Variants in RAPGEF5 observed in about 807,000 individuals in gnomAD.
RAPGEF5 encodes Rap guanine nucleotide exchange factor 5.
A neutral mutation model predicts 125.2 loss-of-function variants in RAPGEF5; 65 were observed. The ratio of observed to expected loss-of-function variants is 0.52; its 90% CI spans 0.43 to 0.64. The LOEUF is 0.64. Ranked by LOEUF, RAPGEF5 falls within the 30% of genes least tolerant of loss-of-function variation. The pLI is 0.00. For synonymous variants in RAPGEF5, 391 were observed against 385.9 expected, an observed-to-expected ratio of 1.01 and a Z score of -0.16; for missense variants, 958 against 1,048.1, an observed-to-expected ratio of 0.91 and a Z score of 1.19.
chr7:22,147,100 A>C, intron 18 of RAPGEF5, 81 bp from the exon 19 acceptor site: 1 of 1,517,838 alleles, frequency 6.6e-7, no homozygotes, highest in South Asian at 1.3e-5. Context: ...AAGGCACTAG[A>C]AGCTCAGATT....
chr7:22,295,765 TAA>T (rs568033391), intron 5 of RAPGEF5, among the ~76,000 whole-genome samples: 22 of 144,526 alleles, frequency 1.5e-4, no homozygotes, highest in Non-Finnish European at 2.7e-4. Flanking sequence ...TGAAAAATAC[TAA>T]AAAAAAAAAA....
At chr7:22,172,254 C>A (rs1225581739) in intron 11 of RAPGEF5, among the ~76,000 whole-genome samples, 1 of 151,908 alleles carries the variant, frequency 6.6e-6, no homozygotes, top group Non-Finnish European at 1.5e-5. Flanking sequence ...TCTGGAGCAA[C>A]TGGGATTACA....
intron 11 of RAPGEF5, among the ~76,000 whole-genome samples, chr7:22,167,815 A>G (rs1784219837): frequency 6.6e-6 from 1 of 152,180 alleles, no homozygotes. Flanking sequence ...ACCAGGTTAC[A>G]TTGTTATCAT....
chr7:22,299,511 A>C (rs1007286586), intron 5 of RAPGEF5, among the ~76,000 whole-genome samples: 5 of 152,190 alleles, frequency 3.3e-5, no homozygotes, highest in Admixed American at 3.3e-4. Context: ...CAATAGTCAT[A>C]TATATTTTAA....
chr7:22,214,303 A>AG (rs1361327530), intron 9 of RAPGEF5, among the ~76,000 whole-genome samples: 22 of 152,190 alleles, frequency 1.4e-4, no homozygotes, highest in Admixed American at 2.6e-4. Flanking sequence ...GACTTAACAA[A>AG]GGAACAGAAG....
intron 7 of RAPGEF5, among the ~76,000 whole-genome samples, chr7:22,250,593 G>A (rs954485770): frequency 2.0e-4 from 30 of 152,098 alleles, no homozygotes; most frequent in African/African-American, 6.3e-4. Flanking sequence ...TGGGTCATAC[G>A]GCCAGGACAA....
intron 2 of RAPGEF5, 93 bp from the exon 3 acceptor site, chr7:22,315,569 T>TTATA (rs1233597860): frequency 2.2e-6 from 1 of 462,620 alleles, no homozygotes; most frequent in Non-Finnish European, 2.8e-6. Flanking sequence ...ATATATATAT[T>TTATA]TATATATATT....
intron 11 of RAPGEF5, among the ~76,000 whole-genome samples, chr7:22,177,214 A>G (rs961718457): frequency 6.6e-6 from 1 of 152,156 alleles, no homozygotes; most frequent in African/African-American, 2.4e-5. Flanking sequence ...AAATGACCAC[A>G]TAAGGCATCC....
At chr7:22,160,935 G>A (rs910977697) in intron 13 of RAPGEF5, among the ~76,000 whole-genome samples, 8 of 152,008 alleles carry the variant, frequency 5.3e-5, no homozygotes, top group South Asian at 2.1e-4. Context: ...GGTGGCTCAC[G>A]CCTGTAATTC....
intron 5 of RAPGEF5, among the ~76,000 whole-genome samples, chr7:22,301,071 G>A (rs891671989): frequency 1.3e-5 from 2 of 151,522 alleles, no homozygotes; most frequent in East Asian, 1.9e-4. Context: ...GTTTCACTTC[G>A]TTCCATAATT....
chr7:22,304,568 G>A (rs961590458), intron 5 of RAPGEF5, among the ~76,000 whole-genome samples: 3 of 152,292 alleles, frequency 2.0e-5, no homozygotes, highest in East Asian at 3.9e-4. Flanking sequence ...TCCGAGTGGC[G>A]GAGAAGGAGG....
rs150967269 is a variant in RAPGEF5, at chr7:22,275,379, A to C, written c.748-8367T>G. ...CCTGGTACATACGTTTGTGATCAAG[A>C]ACACAAGTAAAATGTTTACAGTTGT... On this transcript the variant is annotated intron_variant, in intron 6 of 25. Transcript: ENST00000665637. 5.9e-3 allele frequency among the ~76,000 whole-genome samples: 906 copies of C among 152,352 alleles called. 3 individuals carry two copies. The highest frequency in any genetic ancestry group is 9.5e-3 in the South Asian group (46 of 4,824).
At chr7:22,313,121 T>C (rs4722126) in intron 3 of RAPGEF5, among the ~76,000 whole-genome samples, 28,248 of 152,212 alleles carry the variant, frequency 0.19, 3,171 homozygotes, top group East Asian at 0.56. Flanking sequence ...TCAAAGCCCA[T>C]GTGACTGCTT....
At chr7:22,207,536 A>G (rs1785424523) in intron 9 of RAPGEF5, among the ~76,000 whole-genome samples, 1 of 152,198 alleles carries the variant, frequency 6.6e-6, no homozygotes, top group Non-Finnish European at 1.5e-5. Context: ...TATTATTTCT[A>G]AATTCTCTAT....
intron 6 of RAPGEF5, among the ~76,000 whole-genome samples, chr7:22,272,299 C>T (rs533067745): frequency 3.5e-5 from 5 of 142,654 alleles, no homozygotes; most frequent in East Asian, 2.0e-4. Context: ...GCTGAGACCA[C>T]GCCATTGCAC....
intron 18 of RAPGEF5, among the ~76,000 whole-genome samples, chr7:22,147,384 G>T (rs1783477919): frequency 6.6e-6 from 1 of 152,182 alleles, no homozygotes; most frequent in Non-Finnish European, 1.5e-5. Context: ...TAATGTGCCG[G>T]CAGGGTTAGC....
chr7:22,319,583 C>G (rs1783672435), intron 1 of RAPGEF5, among the ~76,000 whole-genome samples: 1 of 152,164 alleles, frequency 6.6e-6, no homozygotes, highest in Non-Finnish European at 1.5e-5. Context: ...TACCAATCAG[C>G]CCCGCCTAGG....
intron 11 of RAPGEF5, among the ~76,000 whole-genome samples, chr7:22,171,363 T>C (rs1784345209): frequency 6.6e-6 from 1 of 152,236 alleles, no homozygotes; most frequent in Admixed American, 6.5e-5. Context: ...TAAAAGTATC[T>C]TTCATTTAAA....
chr7:22,137,853 AT>A (rs766204356), intron 21 of RAPGEF5, among the ~76,000 whole-genome samples: 104 of 152,294 alleles, frequency 6.8e-4, no homozygotes, highest in Admixed American at 2.9e-3. Flanking sequence ...TATTTCTGGG[AT>A]TTTTTGTTTC....
Sources: allele counts gnomAD v4.1 joint callset (sites outside exome capture counted in the v4.1 genomes callset), GRCh38; gene constraint gnomAD v4.1.1; transcripts MANE v1.5; gene names NCBI Gene and HGNC (gene_info 2026-07-23, HGNC 2026-07-21).